MSH6: variants seen among roughly 807,000 people sequenced by gnomAD.
The protein encoded by MSH6 is mutS homolog 6, also known as DNA mismatch repair protein Msh6.
Under a neutral mutation model 119.1 loss-of-function variants are expected in MSH6, and 85 were observed. The ratio of observed to expected loss-of-function variants is 0.71; its 90% CI spans 0.60 to 0.85. The LOEUF is 0.85. MSH6 is among the 40% of genes least tolerant of loss of function. The pLI is 0.00. For missense variants in MSH6, 2,163 were observed against 1,655.3 expected, an observed-to-expected ratio of 1.31 and a Z score of -5.32; for synonymous variants, 830 against 586.9, an observed-to-expected ratio of 1.41 and a Z score of -5.99.
chr2:47,802,203 T>G (rs912295265), intron 4 of MSH6, among the ~76,000 whole-genome samples: 3 of 152,214 alleles, frequency 2.0e-5, no homozygotes, highest in African/African-American at 7.2e-5. Flanking sequence ...CTACAATTGA[T>G]TTTTCAAAGC....
At chr2:47,806,152 T>TTTTG (rs1382905963) in intron 7 of MSH6, 52 bp from the exon 8 acceptor site, 3 of 1,578,100 alleles carry the variant, frequency 1.9e-6, no homozygotes, top group East Asian at 2.2e-5. Context: ...TTAATTCCTT[T>TTTTG]TTTGTTTTAA....
chr2:47,803,379 C>G, intron 4 of MSH6, 41 bp from the exon 5 acceptor site: 1 of 1,613,922 alleles, frequency 6.2e-7, no homozygotes, highest in Admixed American at 1.7e-5. Context: ...TGATAAAACC[C>G]CCAAACGATG....
At chr2:47,793,984 G>A (rs1472079321) in intron 2 of MSH6, among the ~76,000 whole-genome samples, 7 of 151,712 alleles carry the variant, frequency 4.6e-5, no homozygotes, top group Non-Finnish European at 1.0e-4. Flanking sequence ...CGTCCACCTT[G>A]GCCTCCCAAA....
At position 47,796,220 on chromosome 2, in the gene MSH6, A is replaced by G. The variant is rs3136318; in HGVS notation, c.627+157A>G. Among the ~76,000 whole-genome samples, 3,758 of 152,298 alleles carry G rather than the reference A, an allele frequency of 0.025. 158 individuals carry two copies. Among genetic ancestry groups the G allele is most frequent in the African/African-American group, 0.086 (3,569 of 41,546 alleles). On this transcript the variant is annotated intron_variant, in intron 3 of 9. Coordinates refer to ENST00000234420, the MANE Select transcript of MSH6 (RefSeq NM_000179.3). ...ATACTTCTGTAGTTCCCTGGACTGT[A>G]GGATAAGTTAGGTTACTTAGAATCT...
chr2:47,784,146 CG>C lies in MSH6; in HGVS notation c.260+660del, dbSNP rs560699735. ...GGGGGTGGGCCACGAGCTGCGAGCG[CG>C]GGGGGGTGTGTCACCATGGGGACCG... On this transcript the variant is annotated intron_variant, in intron 1 of 9. Transcript: ENST00000234420. The C allele has an allele frequency of 3.7e-3, 3,682 of 982,204 alleles. 113 individuals carry two copies. In the African/African-American group the frequency reaches 0.062, roughly 17 times the overall value. The allele number at this position is 982,204 out of a possible 1,614,324, so 60.8% of individuals were successfully genotyped here.
Position 47,805,650 on chromosome 2 carries a change from A to G in MSH6, c.3589A>G (p.Thr1197Ala), listed in dbSNP as rs531169741. Residue 1197 changes from threonine (T) to alanine (A), a missense_variant, in exon 7 of 10, where the codon ACT becomes GCT. Thr to Ala is a moderately conservative substitution (Grantham distance 58). Transcript: ENST00000234420. The part of the protein sequence containing the change: ...ESTFFVELSE[T>A]ASILMHATAH... Reference sequence around the variant, plus strand: ...TACATTTTTTGTTGAATTAAGTGAAACTGCCAGCATACTCATGCATGCAAC... The same window carrying G: ...TACATTTTTTGTTGAATTAAGTGAAGCTGCCAGCATACTCATGCATGCAAC... 6.2e-7 allele frequency: 1 copy of G among 1,613,858 alleles called. No homozygotes were observed. Among genetic ancestry groups the G allele is most frequent in the African/African-American group, 1.3e-5 (1 of 75,004 alleles).
rs786202172 is a variant in MSH6 at position 47,805,679 on chromosome 2, A to G, written c.3618A>G (p.Ala1206=). 6.2e-7 allele frequency: 1 copy of G among 1,613,212 alleles called. No individual in the cohort carries two copies. Among genetic ancestry groups the G allele is most frequent in the South Asian group, 1.1e-5 (1 of 91,060 alleles). ...CCAGCATACTCATGCATGCAACAGC[A>G]CATTCTCTGGTGCTTGTGGATGAAT... ...ETASILMHAT[A]HSLVLVDELG... The change falls in exon 7 of 10, where the codon GCA becomes GCG. Residue 1206 remains alanine, a synonymous_variant. Coordinates refer to ENST00000234420, the MANE Select transcript of MSH6 (RefSeq NM_000179.3).
Position 47,806,834 on chromosome 2 carries a change from T to C in MSH6, c.4057T>C (p.Leu1353=). ...TGTAGATGCTGAAGCTGTCCATAAA[T>C]TGCTGACTTTGATTAAGGAATTATA... ...STVDAEAVHK[L]LTLIKEL is the part of the protein sequence containing the mutation. The change falls in exon 10 of 10, where the codon TTG becomes CTG. Residue 1353 remains leucine, a synonymous_variant. Transcript: ENST00000234420. 1 of 1,612,538 alleles carries C rather than the reference T, an allele frequency of 6.2e-7. No individual in the cohort carries two copies. Among genetic ancestry groups the C allele is most frequent in the Non-Finnish European group, 8.5e-7 (1 of 1,179,182 alleles).
chr2:47,806,935 CT>C lies in MSH6; in HGVS notation c.*78del. ...TCAGACAACATTATGATCTAATAAA[CT>C]TTATTTTTTAAAAATGACCATTTTT... On this transcript the variant is annotated 3_prime_UTR_variant, in exon 10 of 10. Coordinates refer to ENST00000234420, the MANE Select transcript of MSH6 (RefSeq NM_000179.3). 8.8e-7 allele frequency: 1 copy of C among 1,133,820 alleles called. No individual in the cohort carries two copies. Among genetic ancestry groups the C allele is most frequent in the Non-Finnish European group, 1.3e-6 (1 of 760,858 alleles). 70.2% of individuals were successfully genotyped at this position (1,133,820 alleles called of 1,614,324 possible).
At chr2:47,788,690 C>G (rs192162795) in intron 1 of MSH6, among the ~76,000 whole-genome samples, 4 of 149,636 alleles carry the variant, frequency 2.7e-5, no homozygotes, top group African/African-American at 9.8e-5. Flanking sequence ...CTGCTTCAGC[C>G]TCCCGAGTAG....
At chr2:47,803,984 T>C (rs1178905006) in intron 5 of MSH6, among the ~76,000 whole-genome samples, 1 of 152,174 alleles carries the variant, frequency 6.6e-6, no homozygotes, top group Non-Finnish European at 1.5e-5. Flanking sequence ...TGAACAAAAA[T>C]ACAAAGGCTG....
In MSH6 at chr2:47,800,062, A is replaced by G. The variant is rs1276830039; in HGVS notation, c.2079A>G (p.Lys693=). ...ALGGCVFYLK[K]CLIDQELLSM... ...GTGGTTGTGTCTTCTACCTCAAAAA[A>G]TGCCTTATTGATCAGGAGCTTTTAT... Residue 693 remains lysine, a synonymous_variant, in exon 4 of 10, where the codon AAA becomes AAG. Transcript: ENST00000234420. The G allele has an allele frequency of 6.2e-7, 1 of 1,614,074 alleles. No individual in the cohort carries two copies. Among genetic ancestry groups the G allele is most frequent in the African/African-American group, 1.3e-5 (1 of 74,928 alleles).
intron 2 of MSH6, among the ~76,000 whole-genome samples, chr2:47,792,606 G>A (rs1413450300): frequency 3.9e-5 from 6 of 152,128 alleles, no homozygotes; most frequent in Admixed American, 6.5e-5. Flanking sequence ...TGCCCACTTC[G>A]GCCTCCCAAA....
chr2:47,808,481 A>G (rs2104614119), downstream of MSH6: 19 of 1,455,518 alleles, frequency 1.3e-5, no homozygotes, highest in South Asian at 2.0e-4. Flanking sequence ...AATGCAAAAC[A>G]TTCCATTCTG....
At chr2:47,789,690 C>T (rs1668609026) in intron 1 of MSH6, among the ~76,000 whole-genome samples, 1 of 152,118 alleles carries the variant, frequency 6.6e-6, no homozygotes, top group African/African-American at 2.4e-5. Context: ...TGTCCAAGTC[C>T]CTTATGAGAT....
intron 4 of MSH6, among the ~76,000 whole-genome samples, chr2:47,802,093 A>AT (rs1669637097): frequency 6.6e-6 from 1 of 152,228 alleles, no homozygotes. Context: ...ACATTTAAAA[A>AT]TTGTTTTATT....
intron 2 of MSH6, among the ~76,000 whole-genome samples, chr2:47,794,072 G>A (rs1386153879): frequency 6.6e-6 from 1 of 151,484 alleles, no homozygotes; most frequent in Non-Finnish European, 1.5e-5. Flanking sequence ...AGGCAGTGGT[G>A]GCTCACGCCT....
rs267608076 is a variant in MSH6 at position 47,799,617 on chromosome 2, AAG to A, written c.1637_1638del (p.Glu546GlyfsTer16). 1.2e-6 allele frequency: 2 copies of A among 1,614,176 alleles called. No individual in the cohort carries two copies. Among genetic ancestry groups the A allele is most frequent in the Non-Finnish European group, 1.7e-6 (2 of 1,180,020 alleles). The stretch of plus-strand genomic sequence containing the variant: ...AAGTATCTTCTTAGCCTCAAAGAAA[AAG>A]AGGAAGATTCTTCTGGCCATACTCG... On this transcript the variant is annotated frameshift_variant, in exon 4 of 10. Coordinates refer to ENST00000234420, the MANE Select transcript of MSH6 (RefSeq NM_000179.3). LOFTEE classifies it high-confidence loss of function.
At position 47,806,498 on chromosome 2, in the gene MSH6, T is replaced by A. The variant is rs1180903149; in HGVS notation, c.3848T>A (p.Ile1283Asn). 1 of 1,614,098 alleles carries A rather than the reference T, an allele frequency of 6.2e-7. No homozygotes were observed. The highest frequency in any genetic ancestry group is 2.2e-5 in the East Asian group (1 of 44,876). ...TGTGAAGACCCCAGCCAGGAGACTA[T>A]TACGTTCCTCTATAAATTCATTAAG... ...NECEDPSQET[I>N]TFLYKFIKGA... The change falls in exon 9 of 10, where the codon ATT (isoleucine) becomes AAT (asparagine). Residue 1283 changes from isoleucine (I) to asparagine (N), a missense_variant. Coordinates refer to ENST00000234420, the MANE Select transcript of MSH6 (RefSeq NM_000179.3).
Sources: allele counts gnomAD v4.1 joint callset (sites outside exome capture counted in the v4.1 genomes callset), GRCh38; gene constraint gnomAD v4.1.1; transcripts MANE v1.5; gene names NCBI Gene and HGNC (gene_info 2026-07-23, HGNC 2026-07-21).